KCNG3: variants seen among roughly 807,000 people sequenced by gnomAD.
The protein encoded by KCNG3 is potassium voltage-gated channel modifier subfamily G member 3.
In KCNG3, 15 loss-of-function variants were observed where a neutral mutation model predicts 29.0. The observed-to-expected ratio is 0.52, with a 90% confidence interval of 0.35 to 0.80. The LOEUF (loss-of-function observed/expected upper bound fraction) is 0.80, where lower values mean the gene tolerates loss of function less well. KCNG3 is among the 30% of genes least tolerant of loss of function. KCNG3 has a pLI of 0.01. For missense variants in KCNG3, 512 were observed against 605.7 expected (o/e 0.85, Z 1.62); for synonymous variants, 322 against 248.9 (o/e 1.29, Z -2.76).
intron 1 of KCNG3, among the ~76,000 whole-genome samples, chr2:42,449,470 T>C (rs569543324): frequency 5.4e-5 from 7 of 130,508 alleles, no homozygotes; most frequent in Non-Finnish European, 5.1e-5. Context: ...CTACTATCAT[T>C]GAAAAAAAAA....
intron 1 of KCNG3, among the ~76,000 whole-genome samples, chr2:42,449,147 G>C (rs1001593363): frequency 6.6e-6 from 1 of 151,914 alleles, no homozygotes; most frequent in Non-Finnish European, 1.5e-5. Context: ...ACTTTGTTTT[G>C]ATGTCTAGTT....
At chr2:42,458,992 T>G (rs1362578192) in intron 1 of KCNG3, among the ~76,000 whole-genome samples, 2 of 150,496 alleles carry the variant, frequency 1.3e-5, no homozygotes, top group Non-Finnish European at 3.0e-5. Flanking sequence ...AGGTCAGGAG[T>G]TCAAGACGAG....
At chr2:42,481,739 T>C (rs559897323) in intron 1 of KCNG3, among the ~76,000 whole-genome samples, 14 of 152,166 alleles carry the variant, frequency 9.2e-5, no homozygotes, top group Non-Finnish European at 1.9e-4. Flanking sequence ...CAAAGACATA[T>C]CCGCCTCAGG....
chr2:42,448,686 G>A (rs1394185636), intron 1 of KCNG3, among the ~76,000 whole-genome samples: 1 of 152,038 alleles, frequency 6.6e-6, no homozygotes. Flanking sequence ...TACAGTATTC[G>A]CAGGAAGTAA....
the KCNG3 span, among the ~76,000 whole-genome samples, chr2:42,427,738 C>A: frequency 6.6e-6 from 1 of 152,156 alleles, no homozygotes; most frequent in Non-Finnish European, 1.5e-5. Flanking sequence ...AGAATATAAT[C>A]CATAACTTGG....
At chr2:42,396,962 T>C in the KCNG3 span, among the ~76,000 whole-genome samples, 1 of 152,126 alleles carries the variant, frequency 6.6e-6, no homozygotes, top group South Asian at 2.1e-4. Context: ...TGGGTGGCCA[T>C]AAAAAGCAAT....
chr2:42,446,376 A>G (rs1672598710), intron 1 of KCNG3, among the ~76,000 whole-genome samples: 1 of 151,880 alleles, frequency 6.6e-6, no homozygotes, highest in Non-Finnish European at 1.5e-5. Flanking sequence ...ACGGGGTTTC[A>G]CCATGTTGGC....
Position 42,493,915 on chromosome 2 carries a change from CTCCGGCGCTCCCTGCGGCCGCGAA to C in KCNG3, c.-438_-415del, listed in dbSNP as rs955497428. ...CCGCCGGGGCGGAATAGCTCCCCGT[CTCCGGCGCTCCCTGCGGCCGCGAA>C]TCCGGCGGCCGCCCCGCCGCCGTCC... On this transcript the variant is annotated 5_prime_UTR_variant, in exon 1 of 2. Coordinates refer to ENST00000306078, the MANE Select transcript of KCNG3 (RefSeq NM_133329.6). 4.8e-4 allele frequency: 76 copies of C among 159,732 alleles called. No individual in the cohort carries two copies. The highest frequency in any genetic ancestry group is 3.7e-4 in the Non-Finnish European group (27 of 73,438). 9.9% of individuals were successfully genotyped at this position (159,732 alleles called of 1,614,324 possible). A position where few individuals can be genotyped will look rare whatever the true frequency, so the allele number is the denominator to read the frequency against.
chr2:42,486,968 C>G (rs1003980960), intron 1 of KCNG3, among the ~76,000 whole-genome samples: 2 of 151,832 alleles, frequency 1.3e-5, no homozygotes, highest in Non-Finnish European at 2.9e-5. Context: ...ACCAGCCTGG[C>G]CAATATGGTT....
intron 1 of KCNG3, among the ~76,000 whole-genome samples, chr2:42,453,542 T>A (rs562101144): frequency 2.0e-5 from 3 of 152,364 alleles, no homozygotes; most frequent in African/African-American, 7.2e-5. Context: ...TGCCCATTTT[T>A]AAATCAAATT....
chr2:42,409,546 G>T, the KCNG3 span, among the ~76,000 whole-genome samples: 1 of 150,996 alleles, frequency 6.6e-6, no homozygotes, highest in Admixed American at 6.6e-5. Context: ...CTACAAAAAG[G>T]TACAAAAATT....
intron 1 of KCNG3, among the ~76,000 whole-genome samples, chr2:42,452,580 T>C (rs1479164535): frequency 6.6e-6 from 1 of 152,120 alleles, no homozygotes; most frequent in Non-Finnish European, 1.5e-5. Context: ...ATGAGTTCAC[T>C]TGTTTTAATT....
chr2:42,420,476 C>G, the KCNG3 span, among the ~76,000 whole-genome samples: 1 of 152,240 alleles, frequency 6.6e-6, no homozygotes, highest in East Asian at 1.9e-4. Context: ...CTTCCTCAAC[C>G]TCCTTGGCAC....
Position 42,471,184 on chromosome 2 carries a change from G to GTATA in KCNG3, c.665+21649_665+21652dup, listed in dbSNP as rs111230198. Among the ~76,000 whole-genome samples the GTATA allele has an allele frequency of 9.6e-3, 1,418 of 147,918 alleles. 14 individuals are homozygous for GTATA. Among genetic ancestry groups the GTATA allele is most frequent in the African/African-American group, 0.032 (1,255 of 39,334 alleles). On this transcript the variant is annotated intron_variant, in intron 1 of 1. Transcript: ENST00000306078. ...TGTGTGTGTGTGTGTGTGTGTGTGTGTATATATATATATATATTCACACAA... is the reference window on the plus strand; with the variant it reads ...TGTGTGTGTGTGTGTGTGTGTGTGTGTATATATATATATATATATATTCACACAA...
At chr2:42,429,327 G>C in the KCNG3 span, among the ~76,000 whole-genome samples, 59 of 152,246 alleles carry the variant, frequency 3.9e-4, no homozygotes, top group African/African-American at 1.4e-3. Flanking sequence ...TTAGTAATTA[G>C]CTGAACATGC....
the KCNG3 span, among the ~76,000 whole-genome samples, chr2:42,434,458 C>CAAAAA: frequency 9.6e-5 from 3 of 31,238 alleles, no homozygotes; most frequent in Non-Finnish European, 1.5e-4. Context: ...GACACTGTCT[C>CAAAAA]AAAAAAAAAA....
the KCNG3 span, among the ~76,000 whole-genome samples, chr2:42,409,936 G>C: frequency 6.6e-6 from 1 of 152,000 alleles, no homozygotes; most frequent in Non-Finnish European, 1.5e-5. Context: ...GAAGCTTACA[G>C]TAATGTGATC....
At chr2:42,477,102 G>C (rs1275283663) in intron 1 of KCNG3, among the ~76,000 whole-genome samples, 1 of 149,814 alleles carries the variant, frequency 6.7e-6, no homozygotes, top group Non-Finnish European at 1.5e-5. Context: ...TGAGGCAGGA[G>C]AATGGTGTGA....
At chr2:42,410,056 A>G in the KCNG3 span, among the ~76,000 whole-genome samples, 3 of 152,160 alleles carry the variant, frequency 2.0e-5, no homozygotes, top group Non-Finnish European at 4.4e-5. Context: ...AAAAGGTGGC[A>G]TACTATATAT....
Sources: allele counts gnomAD v4.1 joint callset (sites outside exome capture counted in the v4.1 genomes callset), GRCh38; gene constraint gnomAD v4.1.1; transcripts MANE v1.5; gene names NCBI Gene and HGNC (gene_info 2026-07-23, HGNC 2026-07-21).